The following CORIN variants were observed in gnomAD, a reference collection of about 807,000 sequenced individuals.
CORIN encodes the protein corin, serine peptidase.
Under a neutral mutation model 125.3 loss-of-function variants are expected in CORIN, and 117 were observed. The ratio of observed to expected loss-of-function variants is 0.93; its 90% CI spans 0.80 to 1.09. The LOEUF is 1.09. Ranked by LOEUF, CORIN falls within the 50% of genes least tolerant of loss-of-function variation. The pLI is 0.00. For synonymous variants in CORIN, 450 were observed against 466.4 expected, an observed-to-expected ratio of 0.96 and a Z score of 0.45; for missense variants, 1,253 against 1,306.7, an observed-to-expected ratio of 0.96 and a Z score of 0.63.
chr4:47,623,946 T>G lies in CORIN; in HGVS notation c.2318A>C (p.Gln773Pro), dbSNP rs757334447. ...AATTTTACTTCTGCTCTCACAAGAC[T>G]GCCTGGATTTGGAAACATAAAATGG... ...TTLHELLVNG[Q>P]SCESRSKISL... The change falls in exon 18 of 22, where the codon CAG becomes CCG. Residue 773 changes from glutamine (Q) to proline (P), a missense_variant and splice_region_variant. By Grantham distance (76) the Gln-to-Pro change is moderately conservative. Coordinates refer to ENST00000273857, the MANE Select transcript of CORIN (RefSeq NM_006587.4). The G allele has an allele frequency of 6.2e-7, 1 of 1,612,836 alleles. No individual in the cohort carries two copies. The highest frequency in any genetic ancestry group is 1.1e-5 in the South Asian group (1 of 91,026).
At chr4:47,619,210 C>G (rs1407201862) in intron 19 of CORIN, among the ~76,000 whole-genome samples, 1 of 152,166 alleles carries the variant, frequency 6.6e-6, no homozygotes, top group East Asian at 1.9e-4. Flanking sequence ...ATCTGGTCAA[C>G]CATCTCATGA....
At chr4:47,746,299 C>A (rs1204924120) in intron 4 of CORIN, among the ~76,000 whole-genome samples, 2 of 152,202 alleles carry the variant, frequency 1.3e-5, no homozygotes, top group African/African-American at 4.8e-5. Flanking sequence ...TAGTACCACA[C>A]ATGCATCACC....
At chr4:47,833,510 A>C (rs1372927182) in intron 1 of CORIN, among the ~76,000 whole-genome samples, 2 of 137,084 alleles carry the variant, frequency 1.5e-5, no homozygotes, top group Non-Finnish European at 3.1e-5. Context: ...ATACGACACC[A>C]AAAGCATAGG....
chr4:47,755,966 A>G (rs1409273435), intron 4 of CORIN, among the ~76,000 whole-genome samples: 1 of 152,220 alleles, frequency 6.6e-6, no homozygotes, highest in Non-Finnish European at 1.5e-5. Flanking sequence ...AGCACCTGCT[A>G]TGTGTTGGGC....
chr4:47,820,281 A>G (rs1732451231), intron 1 of CORIN, among the ~76,000 whole-genome samples: 1 of 151,866 alleles, frequency 6.6e-6, no homozygotes, highest in Non-Finnish European at 1.5e-5. Flanking sequence ...AATGAGGGTG[A>G]GGGGAGAAAT....
intron 10 of CORIN, among the ~76,000 whole-genome samples, chr4:47,671,804 T>C (rs1253202452): frequency 6.6e-6 from 1 of 152,018 alleles, no homozygotes; most frequent in Non-Finnish European, 1.5e-5. Context: ...TTAGCCAGGA[T>C]GGTCTCAATC....
intron 5 of CORIN, among the ~76,000 whole-genome samples, chr4:47,720,441 T>C (rs553646829): frequency 2.6e-4 from 39 of 152,330 alleles, no homozygotes; most frequent in African/African-American, 9.1e-4. Flanking sequence ...GGTACTGTGT[T>C]GAGATTTATT....
rs188641819 is a variant in CORIN, at chr4:47,821,525, G to A, written c.64-14478C>T. ...GTCTGAATGTTTAATATTTATGATC[G>A]GAGTTCAAGGTATTAAGAATTATGT... is the stretch of plus-strand genomic sequence containing the variant. On this transcript the variant is annotated intron_variant, in intron 1 of 21. Transcript: ENST00000273857. 5.5e-3 allele frequency among the ~76,000 whole-genome samples: 831 copies of A among 151,618 alleles called. 6 individuals carry two copies. Among genetic ancestry groups the A allele is most frequent in the African/African-American group, 0.018 (752 of 41,400 alleles).
intron 2 of CORIN, among the ~76,000 whole-genome samples, chr4:47,798,928 T>C (rs1471459367): frequency 6.6e-6 from 1 of 151,288 alleles, no homozygotes; most frequent in Non-Finnish European, 1.5e-5. Context: ...GTGTCTATTG[T>C]TCCCATCTTT....
intron 5 of CORIN, among the ~76,000 whole-genome samples, chr4:47,726,533 G>A (rs970043039): frequency 1.1e-4 from 16 of 152,110 alleles, no homozygotes; most frequent in Non-Finnish European, 5.9e-5. Context: ...AGTTTCCAGA[G>A]GTTTGGAGTG....
chr4:47,644,896 T>A (rs971264702), intron 14 of CORIN, among the ~76,000 whole-genome samples, 185 bp downstream of exon 14: 1 of 152,256 alleles, frequency 6.6e-6, no homozygotes, highest in Non-Finnish European at 1.5e-5. Context: ...TTATAGTGTA[T>A]ATATTTTACA....
rs753925392 is a variant in CORIN at position 47,744,406 on chromosome 4, C to T, written c.795G>A (p.Lys265=). 8.1e-6 allele frequency: 13 copies of T among 1,613,406 alleles called. No homozygotes were observed. The highest frequency in any genetic ancestry group is 4.5e-5 in the East Asian group (2 of 44,876). ...ICFSPQQENG[K]QLLCGRGENF... ...AAATGAAACACAGACACCTACATTG[C>T]TTTCCGTTTTCCTGCTGAGGTGAGA... Residue 265 remains lysine (K), a synonymous_variant, in exon 5 of 22, where the codon AAG becomes AAA. Transcript: ENST00000273857.
At chr4:47,828,215 TGAGTGATAA>T (rs1415660293) in intron 1 of CORIN, among the ~76,000 whole-genome samples, 3 of 152,158 alleles carry the variant, frequency 2.0e-5, no homozygotes, top group African/African-American at 7.2e-5. Flanking sequence ...TGGAATATCC[TGAGTGATAA>T]GAGTGATAAG....
chr4:47,608,332 A>T (rs1721738340), intron 19 of CORIN, among the ~76,000 whole-genome samples: 1 of 152,226 alleles, frequency 6.6e-6, no homozygotes, highest in South Asian at 2.1e-4. Context: ...AAAGAAAAAA[A>T]AAGAGCTAAA....
intron 2 of CORIN, among the ~76,000 whole-genome samples, chr4:47,798,745 CAT>C (rs1420039485): frequency 5.9e-5 from 9 of 152,152 alleles, no homozygotes; most frequent in Middle Eastern, 3.4e-3. Context: ...CAAGTTGTAA[CAT>C]GTGTATATTA....
chr4:47,686,704 C>A (rs1238535632), intron 6 of CORIN, among the ~76,000 whole-genome samples: 1 of 152,136 alleles, frequency 6.6e-6, no homozygotes, highest in Non-Finnish European at 1.5e-5. Context: ...CTAGAATCAG[C>A]AATAGCCCGG....
intron 1 of CORIN, among the ~76,000 whole-genome samples, chr4:47,824,841 C>A (rs928312297): frequency 6.6e-5 from 10 of 152,218 alleles, no homozygotes; most frequent in African/African-American, 2.2e-4. Flanking sequence ...TGAAACTGGA[C>A]ACAGCCAGAC....
intron 4 of CORIN, among the ~76,000 whole-genome samples, chr4:47,758,577 C>T (rs943047939): frequency 4.6e-5 from 7 of 152,134 alleles, no homozygotes; most frequent in African/African-American, 1.4e-4. Context: ...TCAAAATATA[C>T]TACAAAGCAT....
chr4:47,689,693 A>G (rs6447580), intron 6 of CORIN, among the ~76,000 whole-genome samples: 102,197 of 152,022 alleles, frequency 0.67, 34,964 homozygotes, highest in Admixed American at 0.73. Flanking sequence ...TCTAGGAGCC[A>G]GTTATAGACT....
Sources: gnomAD v4.1 joint callset for allele counts (sites outside exome capture counted in the v4.1 genomes callset) on GRCh38, gnomAD v4.1.1 for gene constraint, MANE v1.5 for transcripts, NCBI Gene and HGNC (gene_info 2026-07-23, HGNC 2026-07-21) for gene names.